CCDC47: variants seen among roughly 807,000 people sequenced by gnomAD.
CCDC47 encodes the protein PAT complex subunit CCDC47.
In CCDC47, 41 loss-of-function variants were observed where a neutral mutation model predicts 60.5. The observed-to-expected ratio is 0.68, with a 90% CI of 0.53 to 0.88. The LOEUF (loss-of-function observed/expected upper bound fraction) is 0.88. Ranked by LOEUF, CCDC47 falls within the 40% of genes least tolerant of loss-of-function variation. The probability of loss-of-function intolerance (pLI) is 0.00; values close to 1 mark genes in which losing one functional copy is unlikely to be tolerated. For missense variants in CCDC47, 513 were observed against 580.9 expected, an observed-to-expected ratio of 0.88 and a Z score of 1.20; for synonymous variants, 195 against 190.7, an observed-to-expected ratio of 1.02 and a Z score of -0.18.
rs139293732 is a variant in CCDC47 at position 63,764,781 on chromosome 17, T to C, written c.331A>G (p.Thr111Ala). The change falls in exon 3 of 13, where the codon ACT becomes GCT. Residue 111 changes from threonine to alanine, a missense_variant. By Grantham distance (58) the Thr-to-Ala change is moderately conservative. Transcript: ENST00000225726. ...EFEGYEDKPDTSSSKNKDPIT... is the reference protein window; with the variant it reads ...EFEGYEDKPDASSSKNKDPIT... Reference sequence around the variant, plus strand: ...GGGTCTTTATTTTTGCTAGAAGAAGTATCTGGTTTGTCTTCATAACCTTCA... The same window carrying C: ...GGGTCTTTATTTTTGCTAGAAGAAGCATCTGGTTTGTCTTCATAACCTTCA... The C allele has an allele frequency of 1.9e-6, 3 of 1,613,596 alleles. No homozygotes were observed. The highest frequency in any genetic ancestry group is 1.7e-5 in the Admixed American group (1 of 59,972).
intron 1 of CCDC47, among the ~76,000 whole-genome samples, chr17:63,769,607 C>A: frequency 8.5e-6 from 1 of 117,384 alleles, no homozygotes; most frequent in African/African-American, 3.2e-5. Flanking sequence ...GAGTGAAACT[C>A]CATCTCAAAA....
Position 63,771,013 on chromosome 17 carries a change from A to AAAGGAAGGAAGG in CCDC47, c.-20+2387_-20+2398dup, listed in dbSNP as rs775583739. Among the ~76,000 whole-genome samples the AAAGGAAGGAAGG allele has an allele frequency of 9.1e-5, 10 of 110,198 alleles. No homozygotes were observed. The East Asian group carries it at 9.6e-4, about 11-fold the overall frequency. 72.3% of individuals were successfully genotyped at this position (110,198 alleles called of 152,430 possible). ...AAAAAAAAAAAAGAAAGAAAGAAAG[A>AAAGGAAGGAAGG]AAGGAAGGAAGGAAGGAAGGAAGGA... is the stretch of plus-strand genomic sequence containing the variant. On this transcript the variant is annotated intron_variant, in intron 1 of 12. Transcript: ENST00000225726.
intron 1 of CCDC47, among the ~76,000 whole-genome samples, chr17:63,770,914 G>A (rs1480656106): frequency 6.6e-6 from 1 of 150,716 alleles, no homozygotes; most frequent in Non-Finnish European, 1.5e-5. Context: ...CTTAAACTTG[G>A]GAGGCGGAGA....
At chr17:63,758,083 G>A (rs1023317353) in intron 6 of CCDC47, among the ~76,000 whole-genome samples, 3 of 152,102 alleles carry the variant, frequency 2.0e-5, no homozygotes, top group African/African-American at 4.8e-5. Context: ...TGAAAGCTCC[G>A]AACGACTCCC....
chr17:63,761,030 A>G lies in CCDC47; in HGVS notation c.670-51T>C, dbSNP rs2039255268. On this transcript the variant is annotated intron_variant, in intron 5 of 12. Coordinates refer to ENST00000225726, the MANE Select transcript of CCDC47 (RefSeq NM_020198.3). ...AATCCAACTGCAACTCCTACTTAGTATAAAAAAAAGGCCTTGAAGGAGAAT... is the reference window on the plus strand; with the variant it reads ...AATCCAACTGCAACTCCTACTTAGTGTAAAAAAAAGGCCTTGAAGGAGAAT... 4 of 1,503,202 alleles carry G rather than the reference A, an allele frequency of 2.7e-6. No homozygotes were observed. In the East Asian group the frequency reaches 6.8e-5, roughly 26 times the overall value. 93.1% of individuals were successfully genotyped at this position (1,503,202 alleles called of 1,614,324 possible).
intron 1 of CCDC47, among the ~76,000 whole-genome samples, chr17:63,771,765 G>A (rs2039343390): frequency 6.6e-6 from 1 of 152,144 alleles, no homozygotes; most frequent in African/African-American, 2.4e-5. Context: ...CACATACTTT[G>A]GTGAAATTAG....
At chr17:63,771,292 TATAC>T (rs2144502483) in intron 1 of CCDC47, among the ~76,000 whole-genome samples, 1 of 152,168 alleles carries the variant, frequency 6.6e-6, no homozygotes, top group Non-Finnish European at 1.5e-5. Context: ...TGTATATACA[TATAC>T]ATATATAAGT....
intron 3 of CCDC47, among the ~76,000 whole-genome samples, chr17:63,764,461 A>C (rs1204542260): frequency 1.3e-5 from 2 of 152,190 alleles, no homozygotes; most frequent in Non-Finnish European, 1.5e-5. Context: ...AAATAAATTC[A>C]ATGTACTGTA....
intron 1 of CCDC47, among the ~76,000 whole-genome samples, chr17:63,773,158 C>T (rs1311451903): frequency 6.6e-6 from 1 of 152,190 alleles, no homozygotes; most frequent in Non-Finnish European, 1.5e-5. Flanking sequence ...GAGGTTTTTG[C>T]TTCTATTAAA....
chr17:63,765,830 C>T, intron 2 of CCDC47, 82 bp downstream of exon 2: 1 of 1,459,710 alleles, frequency 6.9e-7, no homozygotes, highest in Non-Finnish European at 9.3e-7. Context: ...GTAAAGGTCT[C>T]TTGAGCCTGA....
At chr17:63,754,579 T>A in intron 8 of CCDC47, 61 bp from the exon 9 acceptor site, 1 of 1,098,208 alleles carries the variant, frequency 9.1e-7, no homozygotes, top group Non-Finnish European at 1.3e-6. Flanking sequence ...CTTTTTTTCC[T>A]AAAGATATTC....
At chr17:63,768,903 G>T (rs1292581421) in intron 1 of CCDC47, among the ~76,000 whole-genome samples, 1 of 151,970 alleles carries the variant, frequency 6.6e-6, no homozygotes, top group Non-Finnish European at 1.5e-5. Flanking sequence ...GGCCAACATG[G>T]TAAAATCCTG....
At chr17:63,752,567 T>G in intron 10 of CCDC47, 138 bp from the exon 11 acceptor site, 3 of 748,052 alleles carry the variant, frequency 4.0e-6, no homozygotes, top group Non-Finnish European at 6.1e-6. Context: ...GCAGAAAATA[T>G]AAATTAAAAT....
At chr17:63,766,326 A>G (rs1384183349) in intron 1 of CCDC47, 132 bp from the exon 2 acceptor site, 1 of 817,002 alleles carries the variant, frequency 1.2e-6, no homozygotes, top group Non-Finnish European at 1.8e-6. Flanking sequence ...ACCACATTAT[A>G]TAAAGAACAA....
At chr17:63,765,120 C>CCA (rs56697502) in intron 2 of CCDC47, 23,207 of 149,960 alleles carry the variant, frequency 0.15, 1,832 homozygotes, top group African/African-American at 0.2. Context: ...AGTATTCTCA[C>CCA]CACACACACA....
At chr17:63,757,172 G>A (rs1455501812) in intron 6 of CCDC47, among the ~76,000 whole-genome samples, 1 of 146,460 alleles carries the variant, frequency 6.8e-6, no homozygotes, top group Admixed American at 6.9e-5. Flanking sequence ...ACCAGCCTAG[G>A]CAACATAATG....
intron 9 of CCDC47, 35 bp from the exon 10 acceptor site, chr17:63,752,834 C>A (rs1461235546): frequency 2.5e-6 from 4 of 1,600,272 alleles, no homozygotes; most frequent in Non-Finnish European, 2.6e-6. Context: ...AGAAGGAATA[C>A]AAGAAAGATG....
Position 63,745,364 on chromosome 17 carries a change from C to G in CCDC47, c.*1517G>C, listed in dbSNP as rs969057209. On this transcript the variant is annotated 3_prime_UTR_variant, in exon 13 of 13. Transcript: ENST00000225726. ...TGGGACTTTAGGAAAGCTTTTCTTA[C>G]TCAAAAGATAACTAAGACTATCAAC... The G allele has an allele frequency of 2.0e-5, 3 of 152,540 alleles. No homozygotes were observed. The highest frequency in any genetic ancestry group is 7.2e-5 in the African/African-American group (3 of 41,404). The allele number at this position is 152,540 out of a possible 1,614,324, so 9.4% of individuals were successfully genotyped here.
At chr17:63,760,787 C>A (rs1336019183) in intron 6 of CCDC47, 127 bp downstream of exon 6, 7 of 642,048 alleles carry the variant, frequency 1.1e-5, no homozygotes, top group Non-Finnish European at 1.6e-5. Flanking sequence ...TGCAGTGAGC[C>A]AAGATCATGC....
Sources: gnomAD v4.1 joint callset for allele counts (sites outside exome capture counted in the v4.1 genomes callset) on GRCh38, gnomAD v4.1.1 for gene constraint, MANE v1.5 for transcripts, NCBI Gene and HGNC (gene_info 2026-07-23, HGNC 2026-07-21) for gene names.